TRIM41: variants seen among roughly 807,000 people sequenced by gnomAD.
TRIM41 encodes the protein E3 ubiquitin-protein ligase TRIM41.
Under a neutral mutation model 60.6 loss-of-function variants are expected in TRIM41, and 21 were observed. That is an observed-to-expected ratio of 0.35 (90% CI 0.25 to 0.50). The LOEUF is 0.50. Among genes scored for constraint, TRIM41 ranks in the 20% least tolerant of loss-of-function variants. The probability of loss-of-function intolerance (pLI) is 0.98; values close to 1 mark genes in which losing one functional copy is unlikely to be tolerated. For missense variants in TRIM41, 846 were observed against 868.3 expected (o/e 0.97, Z 0.32); for synonymous variants, 407 against 344.9 (o/e 1.18, Z -2.00).
intron 3 of TRIM41, 95 bp downstream of exon 3, chr5:181,232,984 T>C: frequency 1.6e-6 from 2 of 1,264,796 alleles, no homozygotes; most frequent in Non-Finnish European, 1.1e-6. Context: ...CTTTTCTCCC[T>C]GGGAGGAACC....
In TRIM41 at chr5:181,235,100, G is replaced by T. The variant is rs545568979; in HGVS notation, c.*325G>T. On this transcript the variant is annotated 3_prime_UTR_variant, in exon 6 of 6. Coordinates refer to ENST00000315073, the MANE Select transcript of TRIM41 (RefSeq NM_033549.5). The stretch of plus-strand genomic sequence containing the variant: ...TTTGAGTAGGGGATGAGGGGAAATT[G>T]TAATTTCATTCCTTAACTTCCTTTT... 54 of 1,603,170 alleles carry T rather than the reference G, an allele frequency of 3.4e-5. No individual in the cohort carries two copies. In the African/African-American group the frequency reaches 6.6e-4, roughly 19 times the overall value.
Position 181,224,401 on chromosome 5 carries a change from C to T in TRIM41, c.402C>T (p.Asp134=). Residue 134 remains aspartate (D), a synonymous_variant, in exon 1 of 6, where the codon GAC becomes GAT. Coordinates refer to ENST00000315073, the MANE Select transcript of TRIM41 (RefSeq NM_033549.5). ...WEEEDEEEDL[D]YYLGDMEEED... ...AGGAGGACGAGGAGGAAGACCTGGA[C>T]TACTACTTGGGGGACATGGAGGAGG... is the stretch of plus-strand genomic sequence containing the variant. 3.1e-6 allele frequency: 5 copies of T among 1,611,670 alleles called. No homozygotes were observed. In the South Asian group the frequency reaches 5.5e-5, roughly 18 times the overall value.
At chr5:181,232,585 T>C in intron 2 of TRIM41, 74 bp from the exon 3 acceptor site, 1 of 1,403,582 alleles carries the variant, frequency 7.1e-7, no homozygotes, top group Non-Finnish European at 9.8e-7. Flanking sequence ...CATTGAGAAG[T>C]AGTAGTTGCA....
chr5:181,235,549 C>T lies in TRIM41; in HGVS notation c.*774C>T. ...CCCAGGTCTGCTCACTGCCAGGCTC[C>T]TCTCCCCTTTGTTCAGTGGAGCTGG... On this transcript the variant is annotated 3_prime_UTR_variant, in exon 6 of 6. Coordinates refer to ENST00000315073, the MANE Select transcript of TRIM41 (RefSeq NM_033549.5). The T allele has an allele frequency of 1.0e-6, 1 of 997,840 alleles. No homozygotes were observed. The highest frequency in any genetic ancestry group is 1.5e-6 in the Non-Finnish European group (1 of 671,770). 61.8% of individuals were successfully genotyped at this position (997,840 alleles called of 1,614,324 possible).
At position 181,223,946 on chromosome 5, in the gene TRIM41, C is replaced by T; in HGVS notation, c.-54C>T. On this transcript the variant is annotated 5_prime_UTR_variant, in exon 1 of 6. Coordinates refer to ENST00000315073, the MANE Select transcript of TRIM41 (RefSeq NM_033549.5). ...GTCGCCAGGGCGTCGGTAGGGAAGA[C>T]CCCCGCCCCTCGCCCCCCCACCGAA... The T allele has an allele frequency of 2.0e-6, 3 of 1,522,408 alleles. No homozygotes were observed. Among genetic ancestry groups the T allele is most frequent in the South Asian group, 2.5e-5 (2 of 81,090 alleles). The allele number at this position is 1,522,408 out of a possible 1,614,324, so 94.3% of individuals were successfully genotyped here. A position where few individuals can be genotyped will look rare whatever the true frequency, so the allele number is the denominator to read the frequency against.
At position 181,233,046 on chromosome 5, in the gene TRIM41, G is replaced by A. The variant is rs1758878735; in HGVS notation, c.1140+157G>A. 4.9e-6 allele frequency: 4 copies of A among 809,990 alleles called. No individual in the cohort carries two copies. The allele number at this position is 809,990 out of a possible 1,614,324, so 50.2% of individuals were successfully genotyped here. On this transcript the variant is annotated intron_variant, in intron 3 of 5. Transcript: ENST00000315073. The surrounding 1 kb of genome is among the most constrained non-coding windows in gnomAD (Gnocchi z 4.1). ...AACATGTTTTAAAGCTGGAAACAGA[G>A]TTAATGTCGAATGTGGTATGTGTGG...
chr5:181,235,450 CAT>C lies in TRIM41; in HGVS notation c.*677_*678del, dbSNP rs1485758618. 4.4e-6 allele frequency: 7 copies of C among 1,607,212 alleles called. No individual in the cohort carries two copies. Among genetic ancestry groups the C allele is most frequent in the Admixed American group, 3.4e-5 (2 of 59,440 alleles). On this transcript the variant is annotated 3_prime_UTR_variant, in exon 6 of 6. Coordinates refer to ENST00000315073, the MANE Select transcript of TRIM41 (RefSeq NM_033549.5). ...ATCATCATTACATTAATTACATCAA[CAT>C]AAATTATTTCTTCCCCCTTCCCTTT...
chr5:181,230,526 A>T, intron 1 of TRIM41: 1 of 215,178 alleles, frequency 4.6e-6, no homozygotes, highest in Non-Finnish European at 9.0e-6. Context: ...AAAAAAAAAA[A>T]TACACACAGG....
Position 181,235,487 on chromosome 5 carries a change from C to A in TRIM41, c.*712C>A. ...CTTCCCCCTTCCCTTTTCCAGCACT[C>A]AACCAAGGAGCAAAGCTCATCCCAC... On this transcript the variant is annotated 3_prime_UTR_variant, in exon 6 of 6. Transcript: ENST00000315073. 6.5e-7 allele frequency: 1 copy of A among 1,532,912 alleles called. No homozygotes were observed. Among genetic ancestry groups the A allele is most frequent in the Non-Finnish European group, 8.9e-7 (1 of 1,127,520 alleles). The allele number at this position is 1,532,912 out of a possible 1,614,324, so 95.0% of individuals were successfully genotyped here.
rs138037224 is a variant in TRIM41, at chr5:181,234,294, C to T, written c.1412C>T (p.Ala471Val). 8.7e-5 allele frequency: 140 copies of T among 1,612,700 alleles called. No individual in the cohort carries two copies. In the African/African-American group the frequency reaches 1.6e-3, roughly 19 times the overall value. Residue 471 changes from alanine to valine, a missense_variant, in exon 6 of 6, where the codon GCC (alanine) becomes GTC (valine). Ala to Val is a moderately conservative substitution (Grantham distance 64). Coordinates refer to ENST00000315073, the MANE Select transcript of TRIM41 (RefSeq NM_033549.5). The surrounding 1 kb of genome is among the most constrained non-coding windows in gnomAD (Gnocchi z 5.6). ...EVADHPKRFS[A>V]DCCVLGAQGF... ...GCTGACCATCCCAAGCGCTTCTCGG[C>T]CGACTGCTGCGTACTGGGGGCCCAG... is the stretch of plus-strand genomic sequence containing the variant.
chr5:181,225,482 G>A (rs2113149316), intron 1 of TRIM41: 1 of 156,044 alleles, frequency 6.4e-6, no homozygotes, highest in Non-Finnish European at 1.4e-5. Flanking sequence ...TGTATACCAG[G>A]CACTGTACTA....
Position 181,234,165 on chromosome 5 carries a change from C to A in TRIM41, c.1292-9C>A, listed in dbSNP as rs1211841495. The A allele has an allele frequency of 6.2e-7, 1 of 1,608,440 alleles. No individual in the cohort carries two copies. Among genetic ancestry groups the A allele is most frequent in the African/African-American group, 1.3e-5 (1 of 75,028 alleles). The stretch of plus-strand genomic sequence containing the variant: ...AGCCCTGGCGTATTTGTCCTCCCTC[C>A]CTCCCAAGTGGACCTGACGCTGGAC... On this transcript the variant is annotated splice_polypyrimidine_tract_variant and intron_variant, in intron 5 of 5. Coordinates refer to ENST00000315073, the MANE Select transcript of TRIM41 (RefSeq NM_033549.5). This position sits in a 1 kb window ranked among gnomAD's most constrained non-coding sequence, Gnocchi z 5.6.
In TRIM41 at chr5:181,234,033, C is replaced by G; in HGVS notation, c.1292-141C>G. 1 of 1,430,690 alleles carries G rather than the reference C, an allele frequency of 7.0e-7. No individual in the cohort carries two copies. The highest frequency in any genetic ancestry group is 1.2e-5 in the South Asian group (1 of 81,918). 88.6% of individuals were successfully genotyped at this position (1,430,690 alleles called of 1,614,324 possible). A position where few individuals can be genotyped will look rare whatever the true frequency, so the allele number is the denominator to read the frequency against. Reference sequence around the variant, plus strand: ...GAACAAGAGTGAGGAGCAAGATGAGCCTGCAGGAATCTGAGGCTGGCCTCT... The same window carrying G: ...GAACAAGAGTGAGGAGCAAGATGAGGCTGCAGGAATCTGAGGCTGGCCTCT... On this transcript the variant is annotated intron_variant, in intron 5 of 5. Coordinates refer to ENST00000315073, the MANE Select transcript of TRIM41 (RefSeq NM_033549.5). This position sits in a 1 kb window ranked among gnomAD's most constrained non-coding sequence, Gnocchi z 5.6.
Position 181,234,682 on chromosome 5 carries a change from C to T in TRIM41, c.1800C>T (p.His600=), listed in dbSNP as rs149808613. Residue 600 remains histidine, a synonymous_variant, in exon 6 of 6, where the codon CAC becomes CAT. Transcript: ENST00000315073. This position sits in a 1 kb window ranked among gnomAD's most constrained non-coding sequence, Gnocchi z 5.6. ...TCTACAACGCAGAGACTCTAGCCCA[C>T]GTGCACACCTTCTCGGCTGCCTTCC... ...LGFYNAETLA[H]VHTFSAAFLG... 149 of 1,614,104 alleles carry T rather than the reference C, an allele frequency of 9.2e-5. No homozygotes were observed. The highest frequency in any genetic ancestry group is 4.9e-4 in the Middle Eastern group (3 of 6,084).
chr5:181,224,625 G>T lies in TRIM41; in HGVS notation c.626G>T (p.Arg209Leu). The T allele has an allele frequency of 6.2e-7, 1 of 1,614,192 alleles. No individual in the cohort carries two copies. Among genetic ancestry groups the T allele is most frequent in the Non-Finnish European group, 8.5e-7 (1 of 1,180,026 alleles). Residue 209 changes from arginine to leucine, a missense_variant, in exon 1 of 6, where the codon CGG (arginine) becomes CTG (leucine). Arg to Leu is a moderately radical substitution (Grantham distance 102). Transcript: ENST00000315073. ...CTGGCCAATATGGTCCAGGTGATTC[G>T]GCAGATGCACCCAACCCCTGGTCGA... ...LQLANMVQVI[R>L]QMHPTPGRGS...
chr5:181,225,135 C>T (rs771340949), intron 1 of TRIM41: 27 of 389,100 alleles, frequency 6.9e-5, no homozygotes, highest in Non-Finnish European at 1.1e-4. Context: ...CTGTCCTTGA[C>T]GGAGACACCT....
Position 181,235,179 on chromosome 5 carries a change from C to T in TRIM41, c.*404C>T, listed in dbSNP as rs770506177. On this transcript the variant is annotated 3_prime_UTR_variant, in exon 6 of 6. Transcript: ENST00000315073. ...CAGTTCTGAGGCTGGAGGGTTTGGGCAAGGCAACATCCCCATTCCAATTCC... is the reference window on the plus strand; with the variant it reads ...CAGTTCTGAGGCTGGAGGGTTTGGGTAAGGCAACATCCCCATTCCAATTCC... 5.2e-5 allele frequency: 80 copies of T among 1,535,992 alleles called. No individual in the cohort carries two copies. Among genetic ancestry groups the T allele is most frequent in the Non-Finnish European group, 6.5e-5 (74 of 1,138,662 alleles).
rs1758363352 is a variant in TRIM41, at chr5:181,223,289, C to T, written c.-711C>T. 1 of 398,896 alleles carries T rather than the reference C, an allele frequency of 2.5e-6. No individual in the cohort carries two copies. Among genetic ancestry groups the T allele is most frequent in the South Asian group, 1.3e-4 (1 of 7,900 alleles). The allele number at this position is 398,896 out of a possible 1,614,324, so 24.7% of individuals were successfully genotyped here. ...CGCGGACCCACCCCCTCGCTTCCGG[C>T]ATCGGCTGTGGGGAGTACCGGCTGC... On this transcript the variant is annotated 5_prime_UTR_variant, in exon 1 of 6. Transcript: ENST00000315073.
At position 181,234,999 on chromosome 5, in the gene TRIM41, T is replaced by C; in HGVS notation, c.*224T>C. 6.2e-7 allele frequency: 1 copy of C among 1,614,082 alleles called. No homozygotes were observed. The highest frequency in any genetic ancestry group is 8.5e-7 in the Non-Finnish European group (1 of 1,179,942). On this transcript the variant is annotated 3_prime_UTR_variant, in exon 6 of 6. Transcript: ENST00000315073. The surrounding 1 kb of genome is among the most constrained non-coding windows in gnomAD (Gnocchi z 5.6). ...ACCTACTATGTCTGTCCAACAGGTC[T>C]GCATGGGTCCCTGATAATGAGAACA... is the stretch of plus-strand genomic sequence containing the variant.
Sources: gnomAD v4.1 joint callset for allele counts on GRCh38, gnomAD v4.1.1 for gene constraint, Gnocchi (gnomAD v3.1) non-coding constraint, MANE v1.5 for transcripts, NCBI Gene and HGNC (gene_info 2026-07-23, HGNC 2026-07-21) for gene names.